EYA1: variants seen among roughly 807,000 people sequenced by gnomAD.
The protein encoded by EYA1 is protein phosphatase EYA1.
A neutral mutation model predicts 82.0 loss-of-function variants in EYA1; 16 were observed. That is an observed-to-expected ratio of 0.20 (90% confidence interval 0.13 to 0.30). The LOEUF (loss-of-function observed/expected upper bound fraction) is 0.30, where lower values mean the gene tolerates loss of function less well. EYA1 is among the 10% of genes least tolerant of loss of function. The pLI is 1.00. For synonymous variants in EYA1, 261 were observed against 264.4 expected (o/e 0.99, Z 0.12); for missense variants, 633 against 730.7 (o/e 0.87, Z 1.54).
intron 2 of EYA1, among the ~76,000 whole-genome samples, chr8:71,424,832 G>A (rs1586691450): frequency 6.6e-6 from 1 of 151,932 alleles, no homozygotes; most frequent in Non-Finnish European, 1.5e-5. Context: ...TCCTTCCTGC[G>A]GCTCTACGGG....
At chr8:71,235,988 G>T (rs1811783121) in intron 12 of EYA1, among the ~76,000 whole-genome samples, 1 of 152,124 alleles carries the variant, frequency 6.6e-6, no homozygotes, top group Non-Finnish European at 1.5e-5. Flanking sequence ...TTTAAAAAAT[G>T]TATTCCCTTC....
chr8:71,300,755 C>G (rs1033017216), intron 7 of EYA1, among the ~76,000 whole-genome samples: 8 of 152,082 alleles, frequency 5.3e-5, no homozygotes, highest in African/African-American at 1.9e-4. Context: ...AAATGGAATA[C>G]TATGAAGCTG....
chr8:71,213,155 AT>A (rs932836295), intron 16 of EYA1, among the ~76,000 whole-genome samples: 5 of 151,958 alleles, frequency 3.3e-5, no homozygotes, highest in African/African-American at 9.7e-5. Flanking sequence ...ACCACCACAT[AT>A]TTTTTTTCTG....
chr8:71,523,154 T>G (rs1813530284), intron 2 of EYA1, among the ~76,000 whole-genome samples: 1 of 149,696 alleles, frequency 6.7e-6, no homozygotes, highest in Admixed American at 6.7e-5. Flanking sequence ...TCTATTCAGC[T>G]CTTTTTCTTT....
chr8:71,355,557 C>A (rs953629080), intron 2 of EYA1, among the ~76,000 whole-genome samples: 5 of 152,178 alleles, frequency 3.3e-5, no homozygotes, highest in Admixed American at 3.3e-4. Flanking sequence ...GATGTCGGCT[C>A]ACTTGTTTGC....
intron 2 of EYA1, among the ~76,000 whole-genome samples, chr8:71,462,883 C>A (rs903042544): frequency 3.3e-5 from 5 of 152,188 alleles, no homozygotes; most frequent in Non-Finnish European, 7.4e-5. Flanking sequence ...ATTGGCTGCA[C>A]CTCCCCACTG....
chr8:71,354,576 G>A (rs534422153), intron 3 of EYA1, among the ~76,000 whole-genome samples: 5 of 152,220 alleles, frequency 3.3e-5, no homozygotes, highest in East Asian at 1.9e-4. Flanking sequence ...TTGGTGAAAC[G>A]AAACCAATCT....
intron 2 of EYA1, among the ~76,000 whole-genome samples, chr8:71,490,608 A>G (rs534360716): frequency 6.6e-6 from 1 of 152,340 alleles, no homozygotes; most frequent in Non-Finnish European, 1.5e-5. Context: ...GCTGAAAAAA[A>G]TATGTATAGA....
At chr8:71,431,335 A>T (rs1024224128) in intron 2 of EYA1, among the ~76,000 whole-genome samples, 1 of 152,148 alleles carries the variant, frequency 6.6e-6, no homozygotes, top group African/African-American at 2.4e-5. Context: ...TCTGTTTTTT[A>T]AAATGTTTCT....
chr8:71,284,841 A>G (rs1460873916), intron 9 of EYA1, among the ~76,000 whole-genome samples: 3 of 152,154 alleles, frequency 2.0e-5, no homozygotes, highest in Admixed American at 6.5e-5. Context: ...ACATCCTCCA[A>G]TGCTGAGAAT....
chr8:71,264,265 C>T lies in EYA1; in HGVS notation c.1050+5475G>A, dbSNP rs997421180. Among the ~76,000 whole-genome samples the T allele has an allele frequency of 2.6e-5, 4 of 152,296 alleles. No individual in the cohort carries two copies. In the East Asian group the frequency reaches 7.7e-4, roughly 29 times the overall value. On this transcript the variant is annotated intron_variant, in intron 11 of 17. Coordinates refer to ENST00000340726, the MANE Select transcript of EYA1 (RefSeq NM_000503.6). ...CCAAAAGAGCTTGGAGTTGTGTTGT[C>T]CCCTAAAGCAGAGTAGGAACAACAA...
At chr8:71,314,053 T>C (rs1313737405) in intron 7 of EYA1, among the ~76,000 whole-genome samples, 2 of 152,210 alleles carry the variant, frequency 1.3e-5, no homozygotes, top group African/African-American at 2.4e-5. Context: ...ATATCCCCCA[T>C]ATTGCCAAAA....
intron 16 of EYA1, among the ~76,000 whole-genome samples, chr8:71,215,011 A>G (rs544429740): frequency 6.6e-6 from 1 of 152,362 alleles, no homozygotes; most frequent in East Asian, 1.9e-4. Flanking sequence ...TAAATCTGTT[A>G]TTAGAGTTGT....
chr8:71,455,525 C>G (rs1015393992), intron 2 of EYA1, among the ~76,000 whole-genome samples: 12 of 152,142 alleles, frequency 7.9e-5, no homozygotes, highest in African/African-American at 2.7e-4. Flanking sequence ...TACTGGGGAA[C>G]CGAATCCAGC....
rs1298428775 is a variant in EYA1 at position 71,485,072 on chromosome 8, G to A, written c.33+50672C>T. Among the ~76,000 whole-genome samples the A allele has an allele frequency of 2.0e-5, 3 of 152,214 alleles. No homozygotes were observed. In the East Asian group the frequency reaches 5.8e-4, roughly 29 times the overall value. ...ACAAAAACTCTAGGAGGATCTGACT[G>A]ACTAATGGATGCGTATTTCATTTTC... On this transcript the variant is annotated intron_variant, in intron 2 of 18. Transcript: ENST00000643681.
At chr8:71,362,866 GAT>G (rs1827518552), upstream of EYA1, among the ~76,000 whole-genome samples, 4 of 152,300 alleles carry the variant, frequency 2.6e-5, no homozygotes, top group South Asian at 8.3e-4. Flanking sequence ...CTTCAGTTAA[GAT>G]ATGTTTTATA....
intron 2 of EYA1, among the ~76,000 whole-genome samples, chr8:71,405,998 A>G (rs1417503021): frequency 6.6e-6 from 1 of 152,218 alleles, no homozygotes; most frequent in East Asian, 1.9e-4. Flanking sequence ...CATTAACAAA[A>G]TCCAGACTGT....
intron 6 of EYA1, 33 bp downstream of exon 6, chr8:71,321,701 A>G (rs777928018): frequency 1.2e-6 from 2 of 1,611,466 alleles, no homozygotes; most frequent in Admixed American, 3.3e-5. Context: ...TGCCCATGCG[A>G]TAACGCCACC....
intron 2 of EYA1, among the ~76,000 whole-genome samples, chr8:71,448,504 C>T (rs891392612): frequency 6.6e-6 from 1 of 152,164 alleles, no homozygotes; most frequent in Non-Finnish European, 1.5e-5. Context: ...TGAACTCCTC[C>T]AACTTACCCA....
Sources: gnomAD v4.1 joint callset for allele counts (sites outside exome capture counted in the v4.1 genomes callset) on GRCh38, gnomAD v4.1.1 for gene constraint, MANE v1.5 for transcripts, NCBI Gene and HGNC (gene_info 2026-07-23, HGNC 2026-07-21) for gene names.